Variants in PHLDB3 observed in about 807,000 individuals in gnomAD.
PHLDB3 encodes the protein pleckstrin homology like domain family B member 3, also known as pleckstrin homology-like domain family B member 3.
In PHLDB3, 86 loss-of-function variants were observed where a neutral mutation model predicts 85.7. The ratio of observed to expected loss-of-function variants is 1.00; its 90% CI spans 0.84 to 1.20. The LOEUF (loss-of-function observed/expected upper bound fraction) is 1.20. PHLDB3 is among the 50% of genes most tolerant of loss of function. PHLDB3 has a pLI of 0.00. For synonymous variants in PHLDB3, 376 were observed against 349.8 expected (o/e 1.07, Z -0.83); for missense variants, 995 against 873.0 (o/e 1.14, Z -1.76).
At chr19:43,485,617 G>A (rs1247664047) in intron 13 of PHLDB3, among the ~76,000 whole-genome samples, 1 of 150,956 alleles carries the variant, frequency 6.6e-6, no homozygotes, top group African/African-American at 2.4e-5. Flanking sequence ...GAGTGTAGTG[G>A]TACAATCTCG....
At chr19:43,487,591 A>AAAAACAAAAAAAAAAAAAAAAAAC (rs1167897767) in intron 9 of PHLDB3, among the ~76,000 whole-genome samples, 2 of 115,770 alleles carry the variant, frequency 1.7e-5, no homozygotes, top group African/African-American at 6.3e-5. Context: ...AAAAAAAAAA[A>AAAAACAAAAAAAAAAAAAAAAAAC]ACACAGAAAA....
intron 12 of PHLDB3, 61 bp from the exon 13 acceptor site, chr19:43,486,383 G>T: frequency 6.7e-7 from 1 of 1,495,656 alleles, no homozygotes; most frequent in Non-Finnish European, 9.1e-7. Context: ...TAGGGTGGCT[G>T]GAGAATGTCC....
In PHLDB3 at chr19:43,502,255, G is replaced by T; in HGVS notation, c.242C>A (p.Ala81Glu). 6.4e-7 allele frequency: 1 copy of T among 1,564,086 alleles called. No homozygotes were observed. The highest frequency in any genetic ancestry group is 8.6e-7 in the Non-Finnish European group (1 of 1,157,558). Residue 81 changes from alanine to glutamate, a missense_variant, in exon 3 of 16, where the codon GCG becomes GAG. Transcript: ENST00000292140. ...AGAGGTGGATGCGGGAGGTGTGGCCGCCATAGCTATCGGAGGCGTAGCCTC... is the reference window on the plus strand; with the variant it reads ...AGAGGTGGATGCGGGAGGTGTGGCCTCCATAGCTATCGGAGGCGTAGCCTC... ...APEATPPIAM[A>E]ATPPASTSSR... is the part of the protein sequence containing the mutation.
chr19:43,476,309 C>T (rs1209584018), intron 15 of PHLDB3, among the ~76,000 whole-genome samples: 1 of 152,088 alleles, frequency 6.6e-6, no homozygotes, highest in East Asian at 1.9e-4. Context: ...CTCTCAATAA[C>T]CCTGATGGAA....
At chr19:43,496,764 C>T (rs1007986033) in intron 6 of PHLDB3, 9 of 297,056 alleles carry the variant, frequency 3.0e-5, no homozygotes, top group African/African-American at 8.6e-5. Context: ...CAGAGTGAGA[C>T]GCTATCTCAA....
At chr19:43,484,315 C>A (rs1599937155) in intron 13 of PHLDB3, among the ~76,000 whole-genome samples, 1 of 142,856 alleles carries the variant, frequency 7.0e-6, no homozygotes, top group African/African-American at 2.6e-5. Context: ...ATTTTGGAGA[C>A]AATGAGAGAA....
chr19:43,476,383 G>A (rs542910138), intron 15 of PHLDB3, among the ~76,000 whole-genome samples: 7 of 152,236 alleles, frequency 4.6e-5, no homozygotes, highest in African/African-American at 1.4e-4. Context: ...GGTGGCTCAC[G>A]CCTGCAATCC....
chr19:43,501,796 G>A lies in PHLDB3; in HGVS notation c.472C>T (p.Leu158=). ...RVAARREEEQ[L]RELLEQQAAS... is the part of the protein sequence containing the mutation. ...GCCTGCTGCTCCAGCAGCTCCCGCAGCTGCTCCTCCTCCCGGCGAGCGGCC... is the reference window on the plus strand; with the variant it reads ...GCCTGCTGCTCCAGCAGCTCCCGCAACTGCTCCTCCTCCCGGCGAGCGGCC... The change falls in exon 4 of 16, where the codon CTG becomes TTG. Residue 158 remains leucine (L), a synonymous_variant. Coordinates refer to ENST00000292140, the MANE Select transcript of PHLDB3 (RefSeq NM_198850.4). 2.5e-6 allele frequency: 4 copies of A among 1,587,824 alleles called. No individual in the cohort carries two copies. The highest frequency in any genetic ancestry group is 2.3e-5 in the East Asian group (1 of 43,278).
intron 9 of PHLDB3, among the ~76,000 whole-genome samples, chr19:43,494,044 G>GT (rs1021023823): frequency 1.3e-5 from 2 of 152,014 alleles, no homozygotes; most frequent in African/African-American, 4.8e-5. Context: ...TTTTTTGTTT[G>GT]TTTTTTGAGA....
chr19:43,487,844 TAA>T (rs2145914283), intron 9 of PHLDB3, among the ~76,000 whole-genome samples: 1 of 152,116 alleles, frequency 6.6e-6, no homozygotes, highest in South Asian at 2.1e-4. Context: ...TATGCCTCAA[TAA>T]AACTCTTTCT....
At chr19:43,478,350 G>A (rs556198144) in intron 14 of PHLDB3, among the ~76,000 whole-genome samples, 3 of 152,116 alleles carry the variant, frequency 2.0e-5, no homozygotes, top group Non-Finnish European at 2.9e-5. Flanking sequence ...TGGGGTCTGT[G>A]GAGCTGGAAT....
intron 15 of PHLDB3, among the ~76,000 whole-genome samples, chr19:43,476,678 G>T (rs932487237): frequency 6.6e-6 from 1 of 151,734 alleles, no homozygotes; most frequent in Non-Finnish European, 1.5e-5. Flanking sequence ...AAGAAACAAA[G>T]AAAACTAAGG....
In PHLDB3 at chr19:43,497,269, T is replaced by C. The variant is rs375107406; in HGVS notation, c.674A>G (p.Gln225Arg). The stretch of plus-strand genomic sequence containing the variant: ...ATAGGCACGTTGGGCCACATCCAGT[T>C]GTTCCCTCATCTATAGGTCGGAACA... Reference protein sequence around the residue: ...LLQGVQEMREQLDVAQRAYED... With the variant: ...LLQGVQEMRERLDVAQRAYED... The change falls in exon 6 of 16, where the codon CAA (glutamine) becomes CGA (arginine). Residue 225 changes from glutamine to arginine, a missense_variant. By Grantham distance (43) the Gln-to-Arg change is conservative. Coordinates refer to ENST00000292140, the MANE Select transcript of PHLDB3 (RefSeq NM_198850.4). The C allele has an allele frequency of 4.8e-6, 7 of 1,463,010 alleles. No homozygotes were observed. The highest frequency in any genetic ancestry group is 6.3e-6 in the Non-Finnish European group (7 of 1,106,962). The allele number at this position is 1,463,010 out of a possible 1,614,324, so 90.6% of individuals were successfully genotyped here. A position where few individuals can be genotyped will look rare whatever the true frequency, so the allele number is the denominator to read the frequency against.
chr19:43,485,223 T>C (rs866760942), intron 13 of PHLDB3, among the ~76,000 whole-genome samples: 3 of 151,874 alleles, frequency 2.0e-5, no homozygotes, highest in Middle Eastern at 3.2e-3. Context: ...TTTTTTGTTT[T>C]TTTTTTTGAG....
chr19:43,503,065 AT>A (rs1971655835), intron 2 of PHLDB3, among the ~76,000 whole-genome samples: 1 of 151,260 alleles, frequency 6.6e-6, no homozygotes, highest in Non-Finnish European at 1.5e-5. Flanking sequence ...GTTTTTGTCT[AT>A]TTGTTTCTCT....
chr19:43,487,591 A>ACAAAAAAAAAAC (rs1555754934), intron 9 of PHLDB3, among the ~76,000 whole-genome samples: 1 of 115,770 alleles, frequency 8.6e-6, no homozygotes, highest in African/African-American at 3.1e-5. Flanking sequence ...AAAAAAAAAA[A>ACAAAAAAAAAAC]ACACAGAAAA....
chr19:43,486,913 G>A, intron 10 of PHLDB3, 43 bp from the exon 11 acceptor site: 2 of 1,492,340 alleles, frequency 1.3e-6, no homozygotes, highest in Non-Finnish European at 1.8e-6. Context: ...ATACACCCTG[G>A]CCTGAGCCTA....
At position 43,486,258 on chromosome 19, in the gene PHLDB3, GGACT is replaced by G; in HGVS notation, c.1485+4_1485+7del. 9.8e-7 allele frequency: 1 copy of G among 1,023,790 alleles called. No homozygotes were observed. The highest frequency in any genetic ancestry group is 1.5e-6 in the Non-Finnish European group (1 of 688,088). 63.4% of individuals were successfully genotyped at this position (1,023,790 alleles called of 1,614,324 possible). ...AGAGGTGGGCGTGAGGGCGGGGGTG[GGACT>G]GACCGTGATGGCAGGAACAGCAGGG... is the stretch of plus-strand genomic sequence containing the variant. On this transcript the variant is annotated splice_donor_5th_base_variant and intron_variant, in intron 13 of 15. Transcript: ENST00000292140.
At chr19:43,487,673 G>T (rs1971212229) in intron 9 of PHLDB3, among the ~76,000 whole-genome samples, 1 of 152,006 alleles carries the variant, frequency 6.6e-6, no homozygotes, top group South Asian at 2.1e-4. Context: ...GCCCGGACTG[G>T]GGTAGATCGG....
Sources: allele counts gnomAD v4.1 joint callset (sites outside exome capture counted in the v4.1 genomes callset), GRCh38; gene constraint gnomAD v4.1.1; transcripts MANE v1.5; gene names NCBI Gene and HGNC (gene_info 2026-07-23, HGNC 2026-07-21).